STAM: variants seen among roughly 807,000 people sequenced by gnomAD.
STAM encodes the protein signal transducing adaptor molecule.
A neutral mutation model predicts 63.4 loss-of-function variants in STAM; 16 were observed. The observed-to-expected ratio is 0.25, with a 90% CI of 0.17 to 0.38. The LOEUF is 0.38. Ranked by LOEUF, STAM falls within the 10% of genes least tolerant of loss-of-function variation. The pLI is 1.00. For missense variants in STAM, 636 were observed against 657.1 expected, an observed-to-expected ratio of 0.97 and a Z score of 0.35; for synonymous variants, 238 against 223.9, an observed-to-expected ratio of 1.06 and a Z score of -0.56.
chr10:17,675,066 T>C (rs1554824499), intron 2 of STAM, among the ~76,000 whole-genome samples: 4 of 152,226 alleles, frequency 2.6e-5, no homozygotes, highest in Non-Finnish European at 5.9e-5. Flanking sequence ...TTTATAAATA[T>C]GAACAGCTGA....
Position 17,693,279 on chromosome 10 carries a change from G to A in STAM, c.502G>A (p.Ala168Thr). ...ALVAKDPGTV[A>T]NKKEEEDLAK... is the part of the protein sequence containing the mutation. ...TGTAGCCAAGGATCCTGGTACTGTG[G>A]CTAACAAAAAAGAAGAAGAAGATTT... Residue 168 changes from alanine (A) to threonine (T), a missense_variant, in exon 6 of 14, where the codon GCT becomes ACT. Ala to Thr is a moderately conservative substitution (Grantham distance 58, BLOSUM62 0). Around this residue, in one of 3 missense-constraint regions of STAM, gnomAD observed 532 missense variants for 536.9 expected, o/e 0.99. Transcript: ENST00000377524. 6.2e-7 allele frequency: 1 copy of A among 1,612,530 alleles called. No homozygotes were observed. The highest frequency in any genetic ancestry group is 8.5e-7 in the Non-Finnish European group (1 of 1,179,624).
intron 2 of STAM, among the ~76,000 whole-genome samples, chr10:17,664,901 T>G (rs1362130957): frequency 1.3e-5 from 2 of 152,178 alleles, no homozygotes; most frequent in Non-Finnish European, 2.9e-5. Context: ...CATTTCACTT[T>G]CAGTAATATT....
At chr10:17,695,422 T>G (rs1315467816) in intron 7 of STAM, among the ~76,000 whole-genome samples, 181 bp downstream of exon 7, 1 of 152,194 alleles carries the variant, frequency 6.6e-6, no homozygotes, top group Non-Finnish European at 1.5e-5. Context: ...TGTTGTTTAA[T>G]TTTTTTCTTA....
chr10:17,683,027 C>G (rs1051901341), intron 2 of STAM, among the ~76,000 whole-genome samples: 1 of 152,136 alleles, frequency 6.6e-6, no homozygotes, highest in Admixed American at 6.5e-5. Flanking sequence ...AAACTGCTAA[C>G]GGTAGTGAAT....
chr10:17,701,211 A>T (rs868973266), intron 9 of STAM, among the ~76,000 whole-genome samples: 6 of 152,218 alleles, frequency 3.9e-5, no homozygotes, highest in African/African-American at 1.4e-4. Context: ...ATCTGCTGTT[A>T]CTGCATATAA....
At chr10:17,704,695 T>A (rs1365514273) in intron 10 of STAM, among the ~76,000 whole-genome samples, 177 bp downstream of exon 10, 53 of 152,218 alleles carry the variant, frequency 3.5e-4, no homozygotes, top group Admixed American at 3.5e-3. Flanking sequence ...ATTCTTATAA[T>A]TTTCTATCCA....
At chr10:17,709,621 G>C (rs984738996) in intron 13 of STAM, among the ~76,000 whole-genome samples, 1 of 152,058 alleles carries the variant, frequency 6.6e-6, no homozygotes, top group Non-Finnish European at 1.5e-5. Context: ...AGCAAATAAA[G>C]GATAGGCTTT....
At chr10:17,714,031 C>G (rs533004671) in intron 13 of STAM, among the ~76,000 whole-genome samples, 1 of 152,190 alleles carries the variant, frequency 6.6e-6, no homozygotes, top group Non-Finnish European at 1.5e-5. Flanking sequence ...GTTTTCTCTC[C>G]TCAAAGGCTT....
At chr10:17,652,589 T>C (rs782160633) in intron 1 of STAM, among the ~76,000 whole-genome samples, 13 of 152,202 alleles carry the variant, frequency 8.5e-5, no homozygotes, top group Admixed American at 2.0e-4. Context: ...TTTAATATGC[T>C]TAGCTATTAT....
chr10:17,689,277 G>A (rs1835432114), intron 5 of STAM, among the ~76,000 whole-genome samples: 1 of 152,184 alleles, frequency 6.6e-6, no homozygotes, highest in Admixed American at 6.5e-5. Flanking sequence ...AATGAGTGAT[G>A]TGAAACCATG....
chr10:17,649,434 C>T (rs1554821297), intron 1 of STAM, among the ~76,000 whole-genome samples: 3 of 151,474 alleles, frequency 2.0e-5, no homozygotes, highest in Non-Finnish European at 2.9e-5. Context: ...GCATCTTTAC[C>T]CTCTCACTCT....
At chr10:17,705,053 T>C (rs782157800) in intron 11 of STAM, 29 bp downstream of exon 11, 1 of 1,599,754 alleles carries the variant, frequency 6.3e-7, no homozygotes, top group Non-Finnish European at 8.6e-7. Context: ...ATTTATGTTG[T>C]GTACCTTCTT....
At chr10:17,658,087 T>C (rs1834013856) in intron 1 of STAM, among the ~76,000 whole-genome samples, 1 of 152,114 alleles carries the variant, frequency 6.6e-6, no homozygotes, top group Admixed American at 6.5e-5. Flanking sequence ...TTTTTAAAAA[T>C]ATGTATTCAA....
chr10:17,669,929 A>G (rs1294086663), intron 2 of STAM, among the ~76,000 whole-genome samples: 2 of 127,058 alleles, frequency 1.6e-5, no homozygotes, highest in African/African-American at 3.1e-5. Context: ...ACGTGGTTTC[A>G]CCATGTTAGC....
intron 1 of STAM, 49 bp from the exon 2 acceptor site, chr10:17,660,415 T>A: frequency 7.7e-7 from 1 of 1,299,924 alleles, no homozygotes; most frequent in Non-Finnish European, 1.1e-6. Context: ...TATGTATCTT[T>A]TAAAGATTTG....
intron 2 of STAM, among the ~76,000 whole-genome samples, chr10:17,681,624 A>G (rs1216007766): frequency 6.6e-6 from 1 of 152,184 alleles, no homozygotes; most frequent in African/African-American, 2.4e-5. Context: ...TTTTAATCTG[A>G]TGATTTAATA....
At chr10:17,708,246 T>C (rs1489142585) in intron 12 of STAM, among the ~76,000 whole-genome samples, 1 of 152,136 alleles carries the variant, frequency 6.6e-6, no homozygotes, top group African/African-American at 2.4e-5. Context: ...CAGAGCCGAG[T>C]AGTTGTGTCA....
At chr10:17,700,163 A>G (rs782311487) in intron 8 of STAM, 28 bp from the exon 9 acceptor site, 3 of 1,546,256 alleles carry the variant, frequency 1.9e-6, no homozygotes. Flanking sequence ...GTATTATTAA[A>G]AAAAGATAAC....
At chr10:17,689,152 T>G (rs1554826466) in intron 5 of STAM, among the ~76,000 whole-genome samples, 3 of 152,260 alleles carry the variant, frequency 2.0e-5, no homozygotes. Context: ...TCTTTTTTAT[T>G]CCTATTTCTA....
Sources: gnomAD v4.1 joint callset for allele counts (sites outside exome capture counted in the v4.1 genomes callset) on GRCh38, gnomAD v4.1.1 for gene constraint, gnomAD v4.1.1 regional missense constraint, MANE v1.5 for transcripts, NCBI Gene and HGNC (gene_info 2026-07-23, HGNC 2026-07-21) for gene names.